DCLK2: variants seen among roughly 807,000 people sequenced by gnomAD.
DCLK2 encodes doublecortin like kinase 2, also known as serine/threonine-protein kinase DCLK2.
Under a neutral mutation model 78.4 loss-of-function variants are expected in DCLK2, and 31 were observed. That is an observed-to-expected ratio of 0.40 (90% CI 0.30 to 0.53). DCLK2 has a LOEUF of 0.53. DCLK2 is among the 20% of genes least tolerant of loss of function. DCLK2 has a pLI of 0.61. For missense variants in DCLK2, 872 were observed against 973.7 expected, an observed-to-expected ratio of 0.90 and a Z score of 1.39; for synonymous variants, 407 against 374.9, an observed-to-expected ratio of 1.09 and a Z score of -0.99.
At chr4:150,164,086 A>T (rs536399616) in intron 2 of DCLK2, among the ~76,000 whole-genome samples, 2 of 152,306 alleles carry the variant, frequency 1.3e-5, no homozygotes, top group East Asian at 3.9e-4. Context: ...AGCCCATTTT[A>T]TTTCTGACAT....
At chr4:150,241,838 C>A (rs1019920512) in intron 12 of DCLK2, among the ~76,000 whole-genome samples, 4 of 152,020 alleles carry the variant, frequency 2.6e-5, no homozygotes, top group Non-Finnish European at 5.9e-5. Flanking sequence ...TTGTAAGGGC[C>A]CTAATCTTAT....
chr4:150,220,153 C>G (rs552220489), intron 5 of DCLK2, among the ~76,000 whole-genome samples: 64 of 152,264 alleles, frequency 4.2e-4, no homozygotes, highest in Middle Eastern at 3.4e-3. Flanking sequence ...TTCTCTGGAC[C>G]TTGTTTTTAA....
intron 1 of DCLK2, among the ~76,000 whole-genome samples, chr4:150,098,569 T>C (rs2150148668): frequency 6.6e-6 from 1 of 152,314 alleles, no homozygotes; most frequent in South Asian, 2.1e-4. Flanking sequence ...TATGGTTACA[T>C]GGGTGAATTG....
At chr4:150,215,260 T>C (rs1037513586) in intron 5 of DCLK2, among the ~76,000 whole-genome samples, 1 of 152,172 alleles carries the variant, frequency 6.6e-6, no homozygotes, top group African/African-American at 2.4e-5. Flanking sequence ...CAATCAGTTC[T>C]ATAGCAGACA....
chr4:150,242,440 T>C (rs1206679393), intron 12 of DCLK2, among the ~76,000 whole-genome samples: 1 of 152,236 alleles, frequency 6.6e-6, no homozygotes, highest in Non-Finnish European at 1.5e-5. Flanking sequence ...AGAATTACTG[T>C]ACATTTCAGT....
In DCLK2 at chr4:150,090,149, T is replaced by C. The variant is rs967397416; in HGVS notation, c.421+10701T>C. Among the ~76,000 whole-genome samples, 5 of 117,686 alleles carry C rather than the reference T, an allele frequency of 4.2e-5. No individual in the cohort carries two copies. The South Asian group carries it at 1.3e-3, about 31-fold the overall frequency. The allele number at this position is 117,686 out of a possible 152,430, so 77.2% of individuals were successfully genotyped here. A position where few individuals can be genotyped will look rare whatever the true frequency, so the allele number is the denominator to read the frequency against. The stretch of plus-strand genomic sequence containing the variant: ...GGCTGGGCACGGTGGCTCATGCCTG[T>C]AATCCCAGCACTTTGGGAGGCCGAG... On this transcript the variant is annotated intron_variant, in intron 1 of 15. Transcript: ENST00000296550.
intron 2 of DCLK2, among the ~76,000 whole-genome samples, chr4:150,178,757 T>C (rs1464235842): frequency 6.6e-6 from 1 of 152,162 alleles, no homozygotes; most frequent in Non-Finnish European, 1.5e-5. Flanking sequence ...CAGTCTGAAA[T>C]TTGGGAACTG....
intron 2 of DCLK2, among the ~76,000 whole-genome samples, chr4:150,116,123 A>G (rs1732067927): frequency 6.6e-6 from 1 of 152,104 alleles, no homozygotes; most frequent in African/African-American, 2.4e-5. Context: ...TGTAGAGAGG[A>G]ACTGTGACTT....
chr4:150,212,483 C>A (rs1398356877), intron 5 of DCLK2, among the ~76,000 whole-genome samples: 5 of 152,186 alleles, frequency 3.3e-5, no homozygotes, highest in Admixed American at 3.3e-4. Flanking sequence ...TGATAACCTT[C>A]AATACTAAGA....
chr4:150,247,463 T>C, intron 12 of DCLK2, 140 bp from the exon 13 acceptor site: 1 of 621,350 alleles, frequency 1.6e-6, no homozygotes, highest in Non-Finnish European at 2.9e-6. Context: ...ACAAATGGAA[T>C]TGAGATACAT....
chr4:150,243,927 ATTTTTTAAT>A (rs940375789), intron 12 of DCLK2, among the ~76,000 whole-genome samples: 2 of 121,186 alleles, frequency 1.7e-5, no homozygotes, highest in African/African-American at 3.2e-5. Flanking sequence ...TGTAAATTTT[ATTTTTTAAT>A]TTTTTTAATT....
At chr4:150,105,429 A>G (rs1731185782) in intron 2 of DCLK2, among the ~76,000 whole-genome samples, 2 of 151,432 alleles carry the variant, frequency 1.3e-5, no homozygotes, top group Admixed American at 1.3e-4. Flanking sequence ...GAATTAAACA[A>G]GTGAGATGTT....
At chr4:150,095,654 T>C (rs900882936) in intron 1 of DCLK2, among the ~76,000 whole-genome samples, 2 of 152,174 alleles carry the variant, frequency 1.3e-5, no homozygotes, top group Admixed American at 1.3e-4. Flanking sequence ...TTCTGGGTCA[T>C]TGGATGTGTG....
chr4:150,088,067 G>A (rs1322011378), intron 1 of DCLK2, among the ~76,000 whole-genome samples: 1 of 152,152 alleles, frequency 6.6e-6, no homozygotes, highest in Admixed American at 6.5e-5. Flanking sequence ...AGCCCCAACA[G>A]ATGCAGTTAT....
chr4:150,252,865 G>A (rs1288865226), intron 15 of DCLK2, among the ~76,000 whole-genome samples: 2 of 152,190 alleles, frequency 1.3e-5, no homozygotes, highest in African/African-American at 4.8e-5. Context: ...AGGAACTGCT[G>A]ATGTCATGAT....
chr4:150,157,603 C>A lies in DCLK2; in HGVS notation c.757-35535C>A, dbSNP rs182662441. Among the ~76,000 whole-genome samples, 3 of 148,994 alleles carry A rather than the reference C, an allele frequency of 2.0e-5. No homozygotes were observed. In the East Asian group the frequency reaches 6.0e-4, roughly 30 times the overall value. On this transcript the variant is annotated intron_variant, in intron 2 of 15. Transcript: ENST00000296550. ...TCTCGGCTCACTGCAGCCTCCACTT[C>A]CCGGGTTCAGGTGATTCTCATGCCT... is the stretch of plus-strand genomic sequence containing the variant.
intron 2 of DCLK2, among the ~76,000 whole-genome samples, chr4:150,154,219 C>G (rs1735097701): frequency 6.6e-6 from 1 of 152,194 alleles, no homozygotes; most frequent in Non-Finnish European, 1.5e-5. Flanking sequence ...GTTTGTCACT[C>G]TTTCTCTTCA....
At chr4:150,126,393 A>G (rs976025057) in intron 2 of DCLK2, among the ~76,000 whole-genome samples, 7 of 152,210 alleles carry the variant, frequency 4.6e-5, no homozygotes, top group Admixed American at 3.9e-4. Context: ...GGGTGAGTCT[A>G]TTAATAGCCA....
chr4:150,249,710 C>A, intron 15 of DCLK2, 26 bp downstream of exon 15: 1 of 1,588,576 alleles, frequency 6.3e-7, no homozygotes, highest in Non-Finnish European at 8.6e-7. Flanking sequence ...CAGGTCTGGC[C>A]TGACTGCGGA....
Sources: gnomAD v4.1 joint callset for allele counts (sites outside exome capture counted in the v4.1 genomes callset) on GRCh38, gnomAD v4.1.1 for gene constraint, MANE v1.5 for transcripts, NCBI Gene and HGNC (gene_info 2026-07-23, HGNC 2026-07-21) for gene names.